ACP3: variants seen among roughly 807,000 people sequenced by gnomAD.
The protein encoded by ACP3 is prostatic acid phosphatase.
Under a neutral mutation model 45.6 loss-of-function variants are expected in ACP3, and 38 were observed. The ratio of observed to expected loss-of-function variants is 0.83; its 90% CI spans 0.64 to 1.09. ACP3 has a LOEUF of 1.09. Ranked by LOEUF, ACP3 falls within the 50% of genes least tolerant of loss-of-function variation. The pLI is 0.00. For synonymous variants in ACP3, 162 were observed against 164.7 expected (o/e 0.98, Z 0.13); for missense variants, 466 against 463.2 (o/e 1.01, Z -0.05).
At chr3:132,338,701 T>C (rs1248628995) in intron 5 of ACP3, among the ~76,000 whole-genome samples, 1 of 152,200 alleles carries the variant, frequency 6.6e-6, no homozygotes, top group Non-Finnish European at 1.5e-5. Context: ...AAGTGGAAAA[T>C]AATATCACTA....
chr3:132,346,018 C>T (rs1476272259), intron 7 of ACP3, among the ~76,000 whole-genome samples: 1 of 152,220 alleles, frequency 6.6e-6, no homozygotes, highest in Non-Finnish European at 1.5e-5. Flanking sequence ...GGCTGACACA[C>T]ATATTCAAGG....
At chr3:132,367,637 C>T in intron 10 of ACP3, 1 of 1,261,836 alleles carries the variant, frequency 7.9e-7, no homozygotes, top group Non-Finnish European at 1.2e-6. Context: ...AAGCAACACT[C>T]ACATGTGATC....
intron 4 of ACP3, among the ~76,000 whole-genome samples, chr3:132,334,363 G>A (rs1361110965): frequency 1.3e-5 from 2 of 152,162 alleles, no homozygotes; most frequent in East Asian, 3.9e-4. Flanking sequence ...ATCAACACTA[G>A]CTTATTCCTA....
intron 1 of ACP3, among the ~76,000 whole-genome samples, chr3:132,326,935 C>T (rs189299708): frequency 2.0e-5 from 3 of 152,252 alleles, no homozygotes; most frequent in African/African-American, 7.2e-5. Context: ...TTATCTTTTG[C>T]TCATAAGATG....
At chr3:132,318,823 T>C (rs1274093210) in intron 1 of ACP3, among the ~76,000 whole-genome samples, 1 of 152,252 alleles carries the variant, frequency 6.6e-6, no homozygotes, top group Non-Finnish European at 1.5e-5. Context: ...GTAGAAATTG[T>C]ACTGCATCTG....
At chr3:132,352,361 C>CTTT (rs35270483) in intron 8 of ACP3, among the ~76,000 whole-genome samples, 21,757 of 135,416 alleles carry the variant, frequency 0.16, 2,209 homozygotes, top group Non-Finnish European at 0.23. Flanking sequence ...CCACACCCAG[C>CTTT]TTTTTTTTTT....
chr3:132,352,621 A>G (rs1937776330), intron 8 of ACP3, 99 bp from the exon 9 acceptor site: 2 of 829,948 alleles, frequency 2.4e-6, no homozygotes, highest in East Asian at 5.1e-5. Flanking sequence ...CGTATGGGAA[A>G]TTTAATTGAA....
At chr3:132,351,730 T>C (rs566828703) in intron 8 of ACP3, among the ~76,000 whole-genome samples, 154 of 152,234 alleles carry the variant, frequency 1.0e-3, no homozygotes, top group African/African-American at 3.6e-3. Context: ...TTTTTTTTTT[T>C]CTCTATTAGA....
intron 9 of ACP3, among the ~76,000 whole-genome samples, chr3:132,353,655 G>A (rs1272669005): frequency 6.6e-6 from 1 of 152,178 alleles, no homozygotes; most frequent in East Asian, 1.9e-4. Context: ...TTCCCTCAAG[G>A]CATTCACAAT....
chr3:132,361,492 C>A (rs1392696883), downstream of ACP3, among the ~76,000 whole-genome samples: 2 of 152,146 alleles, frequency 1.3e-5, no homozygotes, highest in African/African-American at 4.8e-5. Flanking sequence ...TCAAGTCAGT[C>A]ACATGGTTTT....
At chr3:132,324,829 G>A (rs1315932466) in intron 1 of ACP3, among the ~76,000 whole-genome samples, 1 of 152,070 alleles carries the variant, frequency 6.6e-6, no homozygotes, top group African/African-American at 2.4e-5. Context: ...TTTTAGTAGA[G>A]ATGGGGTTTC....
rs1937890950 is a variant in ACP3, at chr3:132,356,188, T to C, written c.969-498T>C. Among the ~76,000 whole-genome samples, 3 of 152,286 alleles carry C rather than the reference T, an allele frequency of 2.0e-5. No individual in the cohort carries two copies. In the South Asian group the frequency reaches 6.2e-4, roughly 32 times the overall value. ...AAGTCTTGCTGTATATTCAAGCACA[T>C]ATGTTATATATTATTCAGTTCCATG... On this transcript the variant is annotated intron_variant, in intron 9 of 9. Transcript: ENST00000336375.
At position 132,345,043 on chromosome 3, in the gene ACP3, A is replaced by G. The variant is rs573870675; in HGVS notation, c.765A>G (p.Lys255=). 11 of 1,613,420 alleles carry G rather than the reference A, an allele frequency of 6.8e-6. No homozygotes were observed. In the East Asian group the frequency reaches 2.0e-4, roughly 29 times the overall value. ...ATGGAATTCACAAGCAGAAAGAGAA[A>G]TCTAGGCTCCAAGGGGGTAAGTATT... is the stretch of plus-strand genomic sequence containing the variant. The part of the protein sequence containing the change: ...SLYGIHKQKE[K]SRLQGGVLVN... Residue 255 remains lysine (K), a synonymous_variant, in exon 7 of 10, where the codon AAA becomes AAG. Coordinates refer to ENST00000336375, the MANE Select transcript of ACP3 (RefSeq NM_001099.5).
At position 132,317,536 on chromosome 3, in the gene ACP3, A is replaced by C; in HGVS notation, c.80A>C (p.Asp27Ala). ...GFLFLLFFWL[D>A]RSVLAKELKF... Reference sequence around the variant, plus strand: ...TTGTTTCTGCTTTTTTTCTGGCTAGACCGAAGTGTACTAGCCAAGGAGTTG... The same window carrying C: ...TTGTTTCTGCTTTTTTTCTGGCTAGCCCGAAGTGTACTAGCCAAGGAGTTG... The change falls in exon 1 of 10, where the codon GAC becomes GCC. Residue 27 changes from aspartate to alanine, a missense_variant. Coordinates refer to ENST00000336375, the MANE Select transcript of ACP3 (RefSeq NM_001099.5). 1 of 1,613,614 alleles carries C rather than the reference A, an allele frequency of 6.2e-7. No individual in the cohort carries two copies.
intron 1 of ACP3, among the ~76,000 whole-genome samples, chr3:132,327,372 G>C (rs1559829321): frequency 6.6e-6 from 1 of 151,648 alleles, no homozygotes; most frequent in Non-Finnish European, 1.5e-5. Flanking sequence ...AGATTAGCTG[G>C]GTGTGGTGGC....
Position 132,357,621 on chromosome 3 carries a change from T to C in ACP3, c.*743T>C, listed in dbSNP as rs1010447636. ...CATATAGCAGCTCTTGAAGTATATA[T>C]ATCATAGCAAATAAGTCATCTGATG... On this transcript the variant is annotated 3_prime_UTR_variant, in exon 10 of 10. Coordinates refer to ENST00000336375, the MANE Select transcript of ACP3 (RefSeq NM_001099.5). The C allele has an allele frequency of 1.0e-6, 1 of 984,560 alleles. No homozygotes were observed. Among genetic ancestry groups the C allele is most frequent in the African/African-American group, 1.7e-5 (1 of 57,210 alleles). 61.0% of individuals were successfully genotyped at this position (984,560 alleles called of 1,614,324 possible). A position where few individuals can be genotyped will look rare whatever the true frequency, so the allele number is the denominator to read the frequency against.
intron 1 of ACP3, among the ~76,000 whole-genome samples, chr3:132,321,300 A>G (rs2107791391): frequency 6.6e-6 from 1 of 151,894 alleles, no homozygotes; most frequent in East Asian, 1.9e-4. Context: ...TTAACATAGT[A>G]AGACCTCATC....
At chr3:132,359,337 C>G (rs187677491), downstream of ACP3, among the ~76,000 whole-genome samples, 371 of 152,128 alleles carry the variant, frequency 2.4e-3, no homozygotes, top group African/African-American at 8.7e-3. Context: ...ACGGTGAAAC[C>G]CCATCTCTAC....
At chr3:132,367,847 A>G in exon 11 of ACP3, 1 of 1,518,486 alleles carries the variant, frequency 6.6e-7, no homozygotes, top group Non-Finnish European at 9.1e-7. Flanking sequence ...AAGCCAGGCC[A>G]ACCTCCTGTG....
Sources: allele counts gnomAD v4.1 joint callset (sites outside exome capture counted in the v4.1 genomes callset), GRCh38; gene constraint gnomAD v4.1.1; transcripts MANE v1.5; gene names NCBI Gene and HGNC (gene_info 2026-07-23, HGNC 2026-07-21).